FAM135B: variants seen among roughly 807,000 people sequenced by gnomAD.
The protein encoded by FAM135B is family with sequence similarity 135 member B.
In FAM135B, 43 loss-of-function variants were observed where a neutral mutation model predicts 127.7. The observed-to-expected ratio is 0.34, with a 90% CI of 0.26 to 0.43. FAM135B has a LOEUF of 0.43. Among genes scored for constraint, FAM135B ranks in the 20% least tolerant of loss-of-function variants. FAM135B has a pLI of 1.00. For missense variants in FAM135B, 1,558 were observed against 1,725.6 expected (o/e 0.90, Z 1.72); for synonymous variants, 670 against 665.1 (o/e 1.01, Z -0.11).
intron 2 of FAM135B, among the ~76,000 whole-genome samples, chr8:138,323,497 T>C (rs1827591088): frequency 6.6e-6 from 1 of 152,188 alleles, no homozygotes; most frequent in South Asian, 2.1e-4. Context: ...ATAATTGTGG[T>C]TGTTAAAGCA....
At chr8:138,363,794 G>T (rs1830580440) in intron 2 of FAM135B, among the ~76,000 whole-genome samples, 1 of 152,096 alleles carries the variant, frequency 6.6e-6, no homozygotes, top group African/African-American at 2.4e-5. Context: ...AAAACTGGAG[G>T]GGAGGTTTCT....
chr8:138,280,703 C>T (rs1824200696), intron 3 of FAM135B, among the ~76,000 whole-genome samples: 1 of 152,138 alleles, frequency 6.6e-6, no homozygotes, highest in Non-Finnish European at 1.5e-5. Flanking sequence ...GTTCATTTGC[C>T]TGGCAAGTAA....
chr8:138,294,078 A>C (rs1190262927), intron 3 of FAM135B, among the ~76,000 whole-genome samples: 1 of 152,176 alleles, frequency 6.6e-6, no homozygotes, highest in Non-Finnish European at 1.5e-5. Flanking sequence ...AAAAAGAATA[A>C]AATGATGTAT....
intron 2 of FAM135B, among the ~76,000 whole-genome samples, chr8:138,357,901 G>T (rs111358067): frequency 1.3e-5 from 2 of 152,060 alleles, no homozygotes. Flanking sequence ...TATTGAAGCC[G>T]ATAGGAATAA....
In FAM135B at chr8:138,496,875, C is replaced by G. The variant is rs1815417857; in HGVS notation, c.-224G>C. On this transcript the variant is annotated 5_prime_UTR_variant, in exon 1 of 20. Coordinates refer to ENST00000395297, the MANE Select transcript of FAM135B (RefSeq NM_015912.4). ...GAGGAGCGAGCGGATGCTGCCCTCGCCCGCCGCCGCCGGTGCTGATGCGGT... is the reference window on the plus strand; with the variant it reads ...GAGGAGCGAGCGGATGCTGCCCTCGGCCGCCGCCGCCGGTGCTGATGCGGT... 1 of 151,820 alleles carries G rather than the reference C, an allele frequency of 6.6e-6. No individual in the cohort carries two copies. Among genetic ancestry groups the G allele is most frequent in the Admixed American group, 6.6e-5 (1 of 15,248 alleles). 9.4% of individuals were successfully genotyped at this position (151,820 alleles called of 1,614,324 possible).
At chr8:138,366,488 C>T (rs1830743364) in intron 2 of FAM135B, among the ~76,000 whole-genome samples, 1 of 152,192 alleles carries the variant, frequency 6.6e-6, no homozygotes, top group South Asian at 2.1e-4. Context: ...GAAGGATGCA[C>T]AGACCTTTGC....
chr8:138,494,327 T>G (rs1011768133), intron 1 of FAM135B, among the ~76,000 whole-genome samples: 1 of 152,228 alleles, frequency 6.6e-6, no homozygotes, highest in African/African-American at 2.4e-5. Context: ...TGGCCATGGC[T>G]GCACCAGGTG....
At chr8:138,409,966 T>A (rs983257474) in intron 1 of FAM135B, among the ~76,000 whole-genome samples, 2 of 151,718 alleles carry the variant, frequency 1.3e-5, no homozygotes, top group African/African-American at 4.8e-5. Context: ...AGCTAGGACT[T>A]GAACCCCAAA....
chr8:138,193,671 G>A (rs575676100), intron 9 of FAM135B, among the ~76,000 whole-genome samples: 54 of 152,326 alleles, frequency 3.5e-4, no homozygotes, highest in Non-Finnish European at 6.6e-4. Flanking sequence ...TCAGGGGATG[G>A]AGCCTGAGGC....
intron 7 of FAM135B, among the ~76,000 whole-genome samples, chr8:138,213,314 G>A (rs1381122776): frequency 6.8e-6 from 1 of 146,982 alleles, no homozygotes; most frequent in African/African-American, 2.5e-5. Context: ...AGTAGCCACG[G>A]TGAATTAAGT....
intron 2 of FAM135B, among the ~76,000 whole-genome samples, chr8:138,363,366 G>C (rs1228550822): frequency 6.6e-6 from 1 of 152,110 alleles, no homozygotes; most frequent in Non-Finnish European, 1.5e-5. Context: ...CATTTTACAG[G>C]CCATACAATG....
At chr8:138,268,232 T>C (rs1190124277) in intron 3 of FAM135B, among the ~76,000 whole-genome samples, 1 of 152,230 alleles carries the variant, frequency 6.6e-6, no homozygotes, top group African/African-American at 2.4e-5. Flanking sequence ...GCTCTGGGCA[T>C]ACAATATACA....
At chr8:138,343,634 G>T (rs913066736) in intron 2 of FAM135B, among the ~76,000 whole-genome samples, 7 of 152,204 alleles carry the variant, frequency 4.6e-5, no homozygotes, top group African/African-American at 1.4e-4. Context: ...CCCTGGCCAG[G>T]TACCTTCTAC....
intron 7 of FAM135B, among the ~76,000 whole-genome samples, chr8:138,199,036 C>T (rs560273218): frequency 6.2e-4 from 94 of 152,244 alleles, no homozygotes; most frequent in South Asian, 1.2e-3. Flanking sequence ...TTGGCTTTTG[C>T]GAGTGAGTCT....
chr8:138,380,251 G>T (rs994087268), intron 1 of FAM135B, among the ~76,000 whole-genome samples: 2 of 151,732 alleles, frequency 1.3e-5, no homozygotes, highest in African/African-American at 4.9e-5. Flanking sequence ...AAGCTGGAGC[G>T]TAGTGGTGCG....
intron 3 of FAM135B, among the ~76,000 whole-genome samples, chr8:138,276,775 G>A (rs1823859528): frequency 6.6e-6 from 1 of 152,106 alleles, no homozygotes; most frequent in Admixed American, 6.5e-5. Flanking sequence ...GAGCAGGGCA[G>A]GATATTCAAA....
chr8:138,180,445 G>C (rs146777102), intron 9 of FAM135B, among the ~76,000 whole-genome samples: 2 of 152,242 alleles, frequency 1.3e-5, no homozygotes, highest in East Asian at 3.9e-4. Flanking sequence ...CTTTCTCTTC[G>C]TTGCCCTGTG....
At chr8:138,145,738 G>T (rs1817597352) in intron 15 of FAM135B, among the ~76,000 whole-genome samples, 1 of 152,078 alleles carries the variant, frequency 6.6e-6, no homozygotes, top group Non-Finnish European at 1.5e-5. Flanking sequence ...GAGGGCAAAG[G>T]CTCCCGTCAA....
chr8:138,434,146 CT>C, intron 1 of FAM135B, among the ~76,000 whole-genome samples: 1 of 152,292 alleles, frequency 6.6e-6, no homozygotes, highest in Admixed American at 6.5e-5. Flanking sequence ...TTAGCTCCAG[CT>C]TTCTCTATGA....
Sources: gnomAD v4.1 joint callset for allele counts (sites outside exome capture counted in the v4.1 genomes callset) on GRCh38, gnomAD v4.1.1 for gene constraint, MANE v1.5 for transcripts, NCBI Gene and HGNC (gene_info 2026-07-23, HGNC 2026-07-21) for gene names.